Variants in SHISA9 observed in about 807,000 individuals in gnomAD.
The protein encoded by SHISA9 is protein shisa-9.
A neutral mutation model predicts 38.0 loss-of-function variants in SHISA9; 13 were observed. The ratio of observed to expected loss-of-function variants is 0.34; its 90% CI spans 0.22 to 0.54. The LOEUF is 0.54. Ranked by LOEUF, SHISA9 falls within the 20% of genes least tolerant of loss-of-function variation. The probability of loss-of-function intolerance (pLI) is 0.91; values close to 1 mark genes in which losing one functional copy is unlikely to be tolerated. For missense variants in SHISA9, 538 were observed against 575.8 expected (o/e 0.93, Z 0.67); for synonymous variants, 275 against 242.0 (o/e 1.14, Z -1.27).
chr16:13,154,639 G>C (rs2050527495), intron 2 of SHISA9, among the ~76,000 whole-genome samples: 1 of 152,218 alleles, frequency 6.6e-6, no homozygotes, highest in Admixed American at 6.5e-5. Flanking sequence ...GAGGCTGTTG[G>C]ATGCAGCAGC....
At chr16:13,540,887 C>A in the SHISA9 span, among the ~76,000 whole-genome samples, 1 of 152,180 alleles carries the variant, frequency 6.6e-6, no homozygotes, top group Non-Finnish European at 1.5e-5. Flanking sequence ...ATCTCATTTG[C>A]TGTCTCTTTC....
the SHISA9 span, among the ~76,000 whole-genome samples, chr16:13,480,942 C>G: frequency 6.6e-6 from 1 of 152,154 alleles, no homozygotes; most frequent in Non-Finnish European, 1.5e-5. Context: ...TTTTGTCAAG[C>G]TAATTTGTTA....
intron 2 of SHISA9, among the ~76,000 whole-genome samples, chr16:12,934,480 A>T (rs1262286673): frequency 2.0e-5 from 3 of 152,246 alleles, no homozygotes; most frequent in Non-Finnish European, 4.4e-5. Context: ...TGATATATCC[A>T]TTAAACACCT....
chr16:13,261,658 A>C, the SHISA9 span, among the ~76,000 whole-genome samples: 1 of 152,166 alleles, frequency 6.6e-6, no homozygotes, highest in African/African-American at 2.4e-5. Flanking sequence ...TGTTTACAAA[A>C]TTTTATAACT....
the SHISA9 span, among the ~76,000 whole-genome samples, chr16:13,472,994 C>G: frequency 6.6e-6 from 1 of 152,138 alleles, no homozygotes; most frequent in Non-Finnish European, 1.5e-5. Flanking sequence ...TAATTATTCT[C>G]CTCACTATGG....
the SHISA9 span, among the ~76,000 whole-genome samples, chr16:13,368,756 C>G: frequency 6.7e-6 from 1 of 148,534 alleles, no homozygotes; most frequent in Non-Finnish European, 1.5e-5. Context: ...AAAAAACCCA[C>G]TGGGATATGG....
At chr16:13,396,435 A>T in the SHISA9 span, among the ~76,000 whole-genome samples, 1 of 152,178 alleles carries the variant, frequency 6.6e-6, no homozygotes, top group Non-Finnish European at 1.5e-5. Flanking sequence ...TGAACTCAGG[A>T]GGTGGAGGTT....
At chr16:13,155,246 G>A (rs1405049693) in intron 2 of SHISA9, among the ~76,000 whole-genome samples, 3 of 152,184 alleles carry the variant, frequency 2.0e-5, no homozygotes, top group Admixed American at 6.5e-5. Flanking sequence ...ATAGATTGGA[G>A]TGGAATGTAT....
chr16:12,996,700 T>C (rs1336252654), intron 2 of SHISA9, among the ~76,000 whole-genome samples: 8 of 152,116 alleles, frequency 5.3e-5, no homozygotes. Context: ...AAGGGTCCCA[T>C]AGAGTTGAAG....
At chr16:13,071,382 A>C (rs2073512096) in intron 2 of SHISA9, among the ~76,000 whole-genome samples, 1 of 152,132 alleles carries the variant, frequency 6.6e-6, no homozygotes, top group Non-Finnish European at 1.5e-5. Context: ...ATTTGATGGA[A>C]TCCTTCCAAC....
intron 2 of SHISA9, among the ~76,000 whole-genome samples, chr16:13,201,770 C>A (rs1209806247): frequency 7.9e-6 from 1 of 127,216 alleles, no homozygotes; most frequent in African/African-American, 3.2e-5. Flanking sequence ...TGGTTGCTGA[C>A]CACTTGAGGA....
the SHISA9 span, among the ~76,000 whole-genome samples, chr16:13,497,668 G>C: frequency 5.5e-3 from 759 of 137,920 alleles, 5 homozygotes; most frequent in African/African-American, 0.019. Flanking sequence ...CTGGGTAACA[G>C]AGTGACACTC....
At chr16:13,558,644 CCTT>C in the SHISA9 span, among the ~76,000 whole-genome samples, 6 of 152,190 alleles carry the variant, frequency 3.9e-5, no homozygotes, top group South Asian at 2.1e-4. Context: ...ACATGTATGT[CCTT>C]CTTCAGGCAT....
chr16:13,420,211 A>G, the SHISA9 span, among the ~76,000 whole-genome samples: 1 of 120,200 alleles, frequency 8.3e-6, no homozygotes, highest in Admixed American at 1.2e-4. Context: ...GCACCACTGC[A>G]CTCCAGCCTG....
chr16:13,438,392 A>G, the SHISA9 span, among the ~76,000 whole-genome samples: 15 of 152,134 alleles, frequency 9.9e-5, no homozygotes, highest in Non-Finnish European at 1.9e-4. Flanking sequence ...ACCTAACAGC[A>G]TCTACCTATT....
chr16:13,038,092 C>T (rs760571366), intron 2 of SHISA9, among the ~76,000 whole-genome samples: 6 of 152,162 alleles, frequency 3.9e-5, no homozygotes, highest in African/African-American at 1.2e-4. Context: ...CGAGTTCAAG[C>T]GATTCTTGTG....
At chr16:13,140,779 G>A (rs1206130576) in intron 2 of SHISA9, among the ~76,000 whole-genome samples, 1 of 152,202 alleles carries the variant, frequency 6.6e-6, no homozygotes, top group Non-Finnish European at 1.5e-5. Context: ...GGTTTGAGGG[G>A]TCAGGAAAGG....
chr16:13,511,168 T>G, the SHISA9 span, among the ~76,000 whole-genome samples: 3 of 152,232 alleles, frequency 2.0e-5, no homozygotes, highest in Non-Finnish European at 2.9e-5. Flanking sequence ...AATAAAGTCA[T>G]TCATAAGTAG....
intron 2 of SHISA9, among the ~76,000 whole-genome samples, chr16:13,093,329 C>G (rs2073794267): frequency 6.6e-6 from 1 of 152,188 alleles, no homozygotes; most frequent in African/African-American, 2.4e-5. Context: ...AGTTGGTGAT[C>G]TTGGTCCAGT....
Sources: allele counts gnomAD v4.1 joint callset (sites outside exome capture counted in the v4.1 genomes callset), GRCh38; gene constraint gnomAD v4.1.1; transcripts MANE v1.5; gene names NCBI Gene and HGNC (gene_info 2026-07-23, HGNC 2026-07-21).